The following RBP3 variants were observed in gnomAD, a reference collection of about 807,000 sequenced individuals.
RBP3 encodes the protein retinol-binding protein 3.
RBP3 carries 50 observed loss-of-function variants against 64.8 expected under a neutral mutation model. The observed-to-expected ratio is 0.77, with a 90% CI of 0.61 to 0.98. RBP3 has a LOEUF of 0.98. Ranked by LOEUF, RBP3 falls within the 50% of genes least tolerant of loss-of-function variation. RBP3 has a pLI of 0.00. For synonymous variants in RBP3, 828 were observed against 730.2 expected, an observed-to-expected ratio of 1.13 and a Z score of -2.16; for missense variants, 1,712 against 1,660.5, an observed-to-expected ratio of 1.03 and a Z score of -0.54.
At chr10:47,356,630 A>G (rs1837050443) in intron 3 of RBP3, among the ~76,000 whole-genome samples, 1 of 152,258 alleles carries the variant, frequency 6.6e-6, no homozygotes, top group African/African-American at 2.4e-5. Context: ...TTGCTTGCTT[A>G]ACATGGCTAC....
In RBP3 at chr10:47,356,921, C is replaced by T. The variant is rs148834878; in HGVS notation, c.3389-181C>T. On this transcript the variant is annotated intron_variant, in intron 3 of 3. Transcript: ENST00000584701. Reference sequence around the variant, plus strand: ...CTCGTGATTGGGCATGCATTCTTGTCCCCATTTTACGGATGCAGAAATCAA... The same window carrying T: ...CTCGTGATTGGGCATGCATTCTTGTTCCCATTTTACGGATGCAGAAATCAA... Among the ~76,000 whole-genome samples, 153 of 152,270 alleles carry T rather than the reference C, an allele frequency of 1.0e-3. 1 individual carries two copies. The highest frequency in any genetic ancestry group is 9.1e-3 in the East Asian group (47 of 5,182).
chr10:47,357,234 G>A lies in RBP3; in HGVS notation c.3521G>A (p.Gly1174Asp). Reference protein sequence around the residue: ...ALVIGEVTSGGCQPPQTYHVD... With the variant: ...ALVIGEVTSGDCQPPQTYHVD... The stretch of plus-strand genomic sequence containing the variant: ...GTCATTGGGGAGGTGACCAGTGGGG[G>A]CTGCCAGCCACCACAGACCTACCAC... The change falls in exon 4 of 4, where the codon GGC (glycine) becomes GAC (aspartate). Residue 1174 changes from glycine (G) to aspartate (D), a missense_variant. By Grantham distance (94) the Gly-to-Asp change is moderately conservative. Transcript: ENST00000584701. 2 of 1,614,060 alleles carry A rather than the reference G, an allele frequency of 1.2e-6. No homozygotes were observed. The highest frequency in any genetic ancestry group is 1.7e-6 in the Non-Finnish European group (2 of 1,180,036).
rs782041794 is a variant in RBP3, at chr10:47,350,018, C to T, written c.1534C>T (p.Arg512Cys). The change falls in exon 1 of 4, where the codon CGC (arginine) becomes TGC (cysteine). Residue 512 changes from arginine to cysteine, a missense_variant. Arg to Cys is a radical substitution (Grantham distance 180, BLOSUM62 -3). Coordinates refer to ENST00000584701, the MANE Select transcript of RBP3 (RefSeq NM_002900.3). Reference sequence around the variant, plus strand: ...CGTGCACCTCTTCACCACCTATGATCGCCGCACCAACATCACGCAGGAGCA... The same window carrying T: ...CGTGCACCTCTTCACCACCTATGATTGCCGCACCAACATCACGCAGGAGCA... ...GPVHLFTTYD[R>C]RTNITQEHFS... The T allele has an allele frequency of 6.8e-6, 11 of 1,612,904 alleles. No homozygotes were observed. The East Asian group carries it at 8.9e-5, about 13-fold the overall frequency.
rs1836898982 is a variant in RBP3, at chr10:47,349,011, AG to A, written c.529del (p.Val177SerfsTer93). The A allele has an allele frequency of 6.2e-7, 1 of 1,614,016 alleles. No individual in the cohort carries two copies. On this transcript the variant is annotated frameshift_variant, in exon 1 of 4. Transcript: ENST00000584701. LOFTEE classifies it high-confidence loss of function. ...GATCTCCGGCACTGCACAGGAGGCC[AG>A]GTCTCTGGCATTCCCTACATCATCT... Reference protein sequence around the residue: ...VLDLRHCTGGQVSGIPYIISY... With the variant: ...VLDLRHCTGGXVSGIPYIISY...
At position 47,351,202 on chromosome 10, in the gene RBP3, C is replaced by T. The variant is rs781953062; in HGVS notation, c.2718C>T (p.Ala906=). ...CCATGAGTGCCACCACAGGCAAGGC[C>T]TGGGACCTGGCTGGTGTGGAGCCCG... is the stretch of plus-strand genomic sequence containing the variant. ...QMAMSATTGK[A]WDLAGVEPDI... is the part of the protein sequence containing the mutation. Residue 906 remains alanine, a synonymous_variant, in exon 1 of 4, where the codon GCC becomes GCT. Transcript: ENST00000584701. 1.2e-6 allele frequency: 2 copies of T among 1,613,300 alleles called. No individual in the cohort carries two copies. The highest frequency in any genetic ancestry group is 1.7e-5 in the Admixed American group (1 of 60,036).
In RBP3 at chr10:47,349,523, G is replaced by A; in HGVS notation, c.1039G>A (p.Val347Met). The change falls in exon 1 of 4, where the codon GTG becomes ATG. Residue 347 changes from valine (V) to methionine (M), a missense_variant. Physicochemically the swap from Val to Met is conservative, Grantham distance 21. Coordinates refer to ENST00000584701, the MANE Select transcript of RBP3 (RefSeq NM_002900.3). ...LKDYYTLVDRVPTLLQHLASM... is the reference protein window; with the variant it reads ...LKDYYTLVDRMPTLLQHLASM... ...GGACTACTACACGCTGGTGGACCGT[G>A]TGCCCACCCTGCTGCAGCACTTGGC... The A allele has an allele frequency of 6.2e-7, 1 of 1,613,018 alleles. No homozygotes were observed. The highest frequency in any genetic ancestry group is 8.5e-7 in the Non-Finnish European group (1 of 1,180,016).
At position 47,349,446 on chromosome 10, in the gene RBP3, C is replaced by T. The variant is rs376854254; in HGVS notation, c.962C>T (p.Thr321Ile). ...QALEKALAILTLRSALPGVVH... is the reference protein window; with the variant it reads ...QALEKALAILILRSALPGVVH... ...CTGGAGAAAGCCCTGGCCATCCTCA[C>T]TCTGCGCAGCGCCCTTCCAGGGGTA... The change falls in exon 1 of 4, where the codon ACT becomes ATT. Residue 321 changes from threonine (T) to isoleucine (I), a missense_variant. Transcript: ENST00000584701. 47 of 1,612,508 alleles carry T rather than the reference C, an allele frequency of 2.9e-5. No individual in the cohort carries two copies. Among genetic ancestry groups the T allele is most frequent in the Middle Eastern group, 3.3e-4 (2 of 6,062 alleles).
In RBP3 at chr10:47,351,554, G is replaced by T. The variant is rs782465376; in HGVS notation, c.3054+16G>T. The T allele has an allele frequency of 3.2e-5, 51 of 1,613,338 alleles. 1 individual carries two copies. The highest frequency in any genetic ancestry group is 2.2e-4 in the Admixed American group (13 of 60,018). Reference sequence around the variant, plus strand: ...GCCCATGCAGGTGAGACCCAAGAGAGACCTGGCTGAACCCAGTCCCGGGAG... The same window carrying T: ...GCCCATGCAGGTGAGACCCAAGAGATACCTGGCTGAACCCAGTCCCGGGAG... On this transcript the variant is annotated intron_variant, in intron 1 of 3. Coordinates refer to ENST00000584701, the MANE Select transcript of RBP3 (RefSeq NM_002900.3).
chr10:47,353,164 A>C (rs1263872066), intron 1 of RBP3, among the ~76,000 whole-genome samples, 161 bp from the exon 2 acceptor site: 1 of 152,048 alleles, frequency 6.6e-6, no homozygotes, highest in Non-Finnish European at 1.5e-5. Flanking sequence ...GTGGCATGTC[A>C]CATCCAGACA....
At position 47,349,497 on chromosome 10, in the gene RBP3, A is replaced by G. The variant is rs782669247; in HGVS notation, c.1013A>G (p.Lys338Arg). The G allele has an allele frequency of 9.9e-6, 16 of 1,612,840 alleles. No individual in the cohort carries two copies. The Admixed American group carries it at 1.7e-4, about 17-fold the overall frequency. ...GVVHCLQEVL[K>R]DYYTLVDRVP... The stretch of plus-strand genomic sequence containing the variant: ...GTCCACTGCCTCCAGGAGGTCCTGA[A>G]GGACTACTACACGCTGGTGGACCGT... The change falls in exon 1 of 4, where the codon AAG (lysine) becomes AGG (arginine). Residue 338 changes from lysine to arginine, a missense_variant. Lys to Arg is a conservative substitution (Grantham distance 26). Transcript: ENST00000584701.
At position 47,351,003 on chromosome 10, in the gene RBP3, T is replaced by C; in HGVS notation, c.2519T>C (p.Leu840Pro). ...CAGCGCTACGGCTCACACAAGGACCTCTACATCCTGATGAGCCACACCAGT... is the reference window on the plus strand; with the variant it reads ...CAGCGCTACGGCTCACACAAGGACCCCTACATCCTGATGAGCCACACCAGT... ...AGQRYGSHKD[L>P]YILMSHTSGS... The change falls in exon 1 of 4, where the codon CTC (leucine) becomes CCC (proline). Residue 840 changes from leucine to proline, a missense_variant. Coordinates refer to ENST00000584701, the MANE Select transcript of RBP3 (RefSeq NM_002900.3). 6.2e-7 allele frequency: 1 copy of C among 1,611,174 alleles called. No homozygotes were observed. The highest frequency in any genetic ancestry group is 8.5e-7 in the Non-Finnish European group (1 of 1,179,908).
intron 1 of RBP3, 89 bp downstream of exon 1, chr10:47,351,627 G>T: frequency 1.3e-6 from 2 of 1,486,202 alleles, no homozygotes; most frequent in South Asian, 2.3e-5. Flanking sequence ...CACAGTGCGT[G>T]ACAATGGCTT....
rs1342487279 is a variant in RBP3 at position 47,350,003 on chromosome 10, T to C, written c.1519T>C (p.Phe507Leu). 2 of 1,612,916 alleles carry C rather than the reference T, an allele frequency of 1.2e-6. No individual in the cohort carries two copies. Among genetic ancestry groups the C allele is most frequent in the African/African-American group, 1.3e-5 (1 of 74,918 alleles). Reference protein sequence around the residue: ...QGPEAGPVHLFTTYDRRTNIT... With the variant: ...QGPEAGPVHLLTTYDRRTNIT... The stretch of plus-strand genomic sequence containing the variant: ...CCCTGAGGCCGGCCCCGTGCACCTC[T>C]TCACCACCTATGATCGCCGCACCAA... Residue 507 changes from phenylalanine to leucine, a missense_variant, in exon 1 of 4, where the codon TTC becomes CTC. Transcript: ENST00000584701.
rs148502054 is a variant in RBP3, at chr10:47,355,413, T to C, written c.3283T>C (p.Leu1095=). 1.2e-5 allele frequency: 19 copies of C among 1,614,052 alleles called. No homozygotes were observed. In the African/African-American group the frequency reaches 1.5e-4, roughly 12 times the overall value. The change falls in exon 3 of 4, where the codon TTG becomes CTG. Residue 1095 remains leucine, a synonymous_variant. Coordinates refer to ENST00000584701, the MANE Select transcript of RBP3 (RefSeq NM_002900.3). ...IGGPTSSIPI[L]CSYFFDEGPP... is the part of the protein sequence containing the mutation. ...TGGCCCCACATCCTCCATTCCCATC[T>C]TGTGCTCCTACTTCTTTGATGAAGG...
rs955163068 is a variant in RBP3 at position 47,357,692 on chromosome 10, T to C, written c.*235T>C. On this transcript the variant is annotated 3_prime_UTR_variant, in exon 4 of 4. Transcript: ENST00000584701. ...TATGGCTTTCCAATAACCACCTAAA[T>C]TTTAACAAAGGTTCCTTCTAAGTGG... The C allele has an allele frequency of 4.5e-5, 18 of 400,648 alleles. No homozygotes were observed. Among genetic ancestry groups the C allele is most frequent in the African/African-American group, 2.8e-4 (14 of 49,282 alleles). 24.8% of individuals were successfully genotyped at this position (400,648 alleles called of 1,614,324 possible). A position where few individuals can be genotyped will look rare whatever the true frequency, so the allele number is the denominator to read the frequency against.
chr10:47,354,067 A>G (rs1555211846), intron 2 of RBP3, among the ~76,000 whole-genome samples: 1 of 152,224 alleles, frequency 6.6e-6, no homozygotes, highest in African/African-American at 2.4e-5. Flanking sequence ...GAAGTTAATC[A>G]CTATTGTTAA....
rs1555212083 is a variant in RBP3 at position 47,357,419 on chromosome 10, AG to A, written c.3709del (p.Val1237Ter). 6.2e-7 allele frequency: 1 copy of A among 1,613,870 alleles called. No individual in the cohort carries two copies. On this transcript the variant is annotated frameshift_variant, in exon 4 of 4. Transcript: ENST00000584701. LOFTEE classifies it low-confidence loss of function (END_TRUNC). The stretch of plus-strand genomic sequence containing the variant: ...GGAGATGCTCCAGCACAACCAGCTG[AG>A]GGTGAAGCGGAGCCCAGGCCTGCAG... ...AKEMLQHNQL[R>X]VKRSPGLQDH...
chr10:47,350,218 G>A lies in RBP3; in HGVS notation c.1734G>A (p.Thr578=), dbSNP rs1555211291. ...ITAGNLLHTR[T]VPLLDTPEGS... The stretch of plus-strand genomic sequence containing the variant: ...CGGGCAACCTGCTGCACACCCGCAC[G>A]GTGCCGCTGCTGGACACACCCGAAG... The change falls in exon 1 of 4, where the codon ACG becomes ACA. Residue 578 remains threonine (T), a synonymous_variant. Coordinates refer to ENST00000584701, the MANE Select transcript of RBP3 (RefSeq NM_002900.3). 3 of 1,609,072 alleles carry A rather than the reference G, an allele frequency of 1.9e-6. No homozygotes were observed. The highest frequency in any genetic ancestry group is 2.2e-5 in the East Asian group (1 of 44,878).
In RBP3 at chr10:47,348,499, G is replaced by T. The variant is rs781980837; in HGVS notation, c.15G>T (p.Trp5Cys). The T allele has an allele frequency of 6.2e-7, 1 of 1,604,270 alleles. No homozygotes were observed. The highest frequency in any genetic ancestry group is 1.7e-5 in the Admixed American group (1 of 60,016). Residue 5 changes from tryptophan to cysteine, a missense_variant, in exon 1 of 4, where the codon TGG (tryptophan) becomes TGT (cysteine). Trp to Cys is a radical substitution (Grantham distance 215). Transcript: ENST00000584701. MMREWVLLMSVLLCG... is the reference protein window; with the variant it reads MMRECVLLMSVLLCG... ...CCTGGGTCCCCATGATGAGAGAATG[G>T]GTTCTGCTCATGTCCGTGCTGCTCT...
Sources: allele counts gnomAD v4.1 joint callset (sites outside exome capture counted in the v4.1 genomes callset), GRCh38; gene constraint gnomAD v4.1.1; transcripts MANE v1.5; gene names NCBI Gene and HGNC (gene_info 2026-07-23, HGNC 2026-07-21).